The following PRDM11 variants were observed in gnomAD, a reference collection of about 807,000 sequenced individuals.
The protein encoded by PRDM11 is PR/SET domain 11, also known as PR domain-containing protein 11.
In PRDM11, 20 loss-of-function variants were observed where a neutral mutation model predicts 97.8. That is an observed-to-expected ratio of 0.20 (90% CI 0.14 to 0.30). The LOEUF (loss-of-function observed/expected upper bound fraction) is 0.30. Among genes scored for constraint, PRDM11 ranks in the 10% least tolerant of loss-of-function variants. The pLI is 1.00. For missense variants in PRDM11, 1,139 were observed against 1,555.2 expected (o/e 0.73, Z 4.50); for synonymous variants, 599 against 637.7 (o/e 0.94, Z 0.91).
At chr11:45,163,983 G>C (rs932927322) in intron 1 of PRDM11, among the ~76,000 whole-genome samples, 1 of 152,180 alleles carries the variant, frequency 6.6e-6, no homozygotes, top group African/African-American at 2.4e-5. Context: ...CCAGCATGCA[G>C]GGAAGGCGCA....
chr11:45,218,306 T>G (rs769332273), intron 5 of PRDM11, among the ~76,000 whole-genome samples: 8 of 152,232 alleles, frequency 5.3e-5, no homozygotes, highest in African/African-American at 7.2e-5. Context: ...TAATTCTGCA[T>G]CATCAGTACA....
At chr11:45,175,873 ATATT>A (rs1170996654) in intron 1 of PRDM11, among the ~76,000 whole-genome samples, 4 of 152,184 alleles carry the variant, frequency 2.6e-5, no homozygotes, top group Non-Finnish European at 5.9e-5. Context: ...AGGAGAAATG[ATATT>A]TATTTGTTTT....
chr11:45,164,732 G>A (rs963195985), intron 1 of PRDM11, among the ~76,000 whole-genome samples: 6 of 152,178 alleles, frequency 3.9e-5, no homozygotes, highest in African/African-American at 1.2e-4. Context: ...ATGGTCCTTC[G>A]GGTGTGTTTT....
At position 45,226,872 on chromosome 11, in the gene PRDM11, C is replaced by CA; in HGVS notation, c.2249dup (p.Thr751AspfsTer64). ...GTGCCAGCATGTTCATGACCATCCG[C>CA]AAGACGCTGCCCTGGCTGCTGTGCC... On this transcript the variant is annotated frameshift_variant, in exon 8 of 8. Transcript: ENST00000683152. LOFTEE classifies it high-confidence loss of function. 1 of 1,533,988 alleles carries CA rather than the reference C, an allele frequency of 6.5e-7. No homozygotes were observed.
intron 1 of PRDM11, among the ~76,000 whole-genome samples, chr11:45,122,129 T>G (rs924214332): frequency 2.0e-5 from 3 of 150,532 alleles, no homozygotes; most frequent in Non-Finnish European, 3.0e-5. Context: ...AAGATAAAAG[T>G]TAGGCCTTTA....
chr11:45,192,185 C>T (rs374920766), intron 4 of PRDM11, among the ~76,000 whole-genome samples: 21 of 152,214 alleles, frequency 1.4e-4, no homozygotes, highest in African/African-American at 4.6e-4. Context: ...GGGGCACACA[C>T]GTAACAGTCA....
At chr11:45,209,928 C>A (rs1449783523) in intron 5 of PRDM11, among the ~76,000 whole-genome samples, 2 of 152,158 alleles carry the variant, frequency 1.3e-5, no homozygotes, top group African/African-American at 4.8e-5. Flanking sequence ...CCAGGCCAGG[C>A]AGCAGCGTGG....
rs767217373 is a variant in PRDM11 at position 45,219,669 on chromosome 11, G to A, written c.654G>A (p.Gly218=). The A allele has an allele frequency of 6.2e-7, 1 of 1,614,108 alleles. No individual in the cohort carries two copies. The part of the protein sequence containing the change: ...YFRACRDIRP[G]EWLRVWYSED... Reference sequence around the variant, plus strand: ...GGGCGTGCAGGGACATCCGGCCTGGGGAGTGGCTGCGGGTCTGGTACAGCG... The same window carrying A: ...GGGCGTGCAGGGACATCCGGCCTGGAGAGTGGCTGCGGGTCTGGTACAGCG... The change falls in exon 6 of 8, where the codon GGG becomes GGA. Residue 218 remains glycine, a synonymous_variant. Transcript: ENST00000683152. This position sits in a 1 kb window ranked among gnomAD's most constrained non-coding sequence, Gnocchi z 4.2.
chr11:45,154,140 A>G (rs1188693355), intron 1 of PRDM11, among the ~76,000 whole-genome samples: 2 of 152,168 alleles, frequency 1.3e-5, no homozygotes, highest in African/African-American at 4.8e-5. Context: ...GGATCGCTTG[A>G]GTCCAGGAGT....
At chr11:45,141,386 A>G (rs1014161789) in intron 1 of PRDM11, among the ~76,000 whole-genome samples, 1 of 152,162 alleles carries the variant, frequency 6.6e-6, no homozygotes, top group African/African-American at 2.4e-5. Flanking sequence ...TCACTTCTGA[A>G]ATTAGTTTAT....
rs1320605516 is a variant in PRDM11 at position 45,227,366 on chromosome 11, A to C, written c.2741A>C (p.Glu914Ala). 5.2e-6 allele frequency: 8 copies of C among 1,533,830 alleles called. No individual in the cohort carries two copies. Among genetic ancestry groups the C allele is most frequent in the Non-Finnish European group, 8.7e-7 (1 of 1,146,748 alleles). The change falls in exon 8 of 8, where the codon GAG (glutamate) becomes GCG (alanine). Residue 914 changes from glutamate to alanine, a missense_variant. Coordinates refer to ENST00000683152, the MANE Select transcript of PRDM11 (RefSeq NM_001384648.1). This position sits in a 1 kb window ranked among gnomAD's most constrained non-coding sequence, Gnocchi z 8.0. ...LVSQVDDKIE[E>A]AIQEISRLAD... Reference sequence around the variant, plus strand: ...TCCCAGGTGGATGACAAGATCGAGGAGGCCATCCAGGAGATCAGCCGGCTG... The same window carrying C: ...TCCCAGGTGGATGACAAGATCGAGGCGGCCATCCAGGAGATCAGCCGGCTG...
intron 1 of PRDM11, among the ~76,000 whole-genome samples, chr11:45,125,176 G>T (rs912813554): frequency 6.6e-6 from 1 of 151,684 alleles, no homozygotes; most frequent in Non-Finnish European, 1.5e-5. Flanking sequence ...CTGTGGGATC[G>T]GTGGTGATAT....
chr11:45,158,741 C>T (rs1016227299), intron 1 of PRDM11, among the ~76,000 whole-genome samples: 1 of 152,034 alleles, frequency 6.6e-6, no homozygotes, highest in African/African-American at 2.4e-5. Flanking sequence ...TCCACCCTTC[C>T]CCAAAGCTGA....
At position 45,229,558 on chromosome 11, in the gene PRDM11, T is replaced by G. The variant is rs887578460; in HGVS notation, c.*1399T>G. 1.3e-5 allele frequency: 2 copies of G among 152,128 alleles called. No individual in the cohort carries two copies. The highest frequency in any genetic ancestry group is 6.5e-5 in the Admixed American group (1 of 15,268). The allele number at this position is 152,128 out of a possible 1,614,324, so 9.4% of individuals were successfully genotyped here. ...AATATAAGCTTTAGAAATAGCCACT[T>G]GCCTATTCCCTGGGGCAAGTAGTGG... On this transcript the variant is annotated 3_prime_UTR_variant, in exon 8 of 8. Transcript: ENST00000683152.
chr11:45,192,616 A>G (rs1852955490), intron 4 of PRDM11, among the ~76,000 whole-genome samples: 1 of 151,828 alleles, frequency 6.6e-6, no homozygotes, highest in African/African-American at 2.4e-5. Context: ...TCCTAACCTG[A>G]CCTCCTCTAT....
chr11:45,116,598 C>T (rs1254689819), intron 1 of PRDM11, among the ~76,000 whole-genome samples: 4 of 152,014 alleles, frequency 2.6e-5, no homozygotes, highest in South Asian at 2.1e-4. Context: ...TGAATAATAA[C>T]GAAAATATAT....
intron 5 of PRDM11, among the ~76,000 whole-genome samples, chr11:45,217,611 C>G (rs80330975): frequency 0.11 from 17,333 of 152,238 alleles, 1,411 homozygotes; most frequent in Admixed American, 0.27. Flanking sequence ...TGAGGTCTTG[C>G]AGCATCCTGT....
intron 1 of PRDM11, among the ~76,000 whole-genome samples, chr11:45,132,574 A>G (rs1056078327): frequency 6.6e-6 from 1 of 152,236 alleles, no homozygotes; most frequent in Admixed American, 6.5e-5. Context: ...TTGAAAAGAC[A>G]TGTTCCTGAA....
chr11:45,134,460 G>A (rs1163627097), intron 1 of PRDM11, among the ~76,000 whole-genome samples: 1 of 152,112 alleles, frequency 6.6e-6, no homozygotes, highest in Non-Finnish European at 1.5e-5. Flanking sequence ...AGCACTTTGG[G>A]AGGCTGAGGT....
Sources: allele counts gnomAD v4.1 joint callset (sites outside exome capture counted in the v4.1 genomes callset), GRCh38; gene constraint gnomAD v4.1.1; non-coding constraint Gnocchi (gnomAD v3.1); transcripts MANE v1.5; gene names NCBI Gene and HGNC (gene_info 2026-07-23, HGNC 2026-07-21).